Variants in MTDH observed in about 807,000 individuals in gnomAD.
MTDH encodes the protein metadherin, also known as protein LYRIC.
A neutral mutation model predicts 72.7 loss-of-function variants in MTDH; 34 were observed. The ratio of observed to expected loss-of-function variants is 0.47; its 90% CI spans 0.36 to 0.62. The LOEUF (loss-of-function observed/expected upper bound fraction) is 0.62, where lower values mean the gene tolerates loss of function less well. Ranked by LOEUF, MTDH falls within the 20% of genes least tolerant of loss-of-function variation. MTDH has a pLI of 0.00. For missense variants in MTDH, 677 were observed against 699.4 expected, an observed-to-expected ratio of 0.97 and a Z score of 0.36; for synonymous variants, 266 against 268.9, an observed-to-expected ratio of 0.99 and a Z score of 0.10.
chr8:97,718,915 C>T (rs1000160072), intron 9 of MTDH, 134 bp from the exon 10 acceptor site: 17 of 752,570 alleles, frequency 2.3e-5, no homozygotes, highest in Non-Finnish European at 3.6e-5. Context: ...AGGCTGGTCT[C>T]AAATTCCTGA....
chr8:97,655,555 A>G (rs1053379055), intron 1 of MTDH, among the ~76,000 whole-genome samples: 6 of 152,220 alleles, frequency 3.9e-5, no homozygotes, highest in Non-Finnish European at 5.9e-5. Context: ...GGCCCTTTTG[A>G]CCACCAGGAC....
chr8:97,721,270 C>T (rs183994447), intron 10 of MTDH, among the ~76,000 whole-genome samples: 13 of 152,060 alleles, frequency 8.5e-5, no homozygotes, highest in East Asian at 7.8e-4. Flanking sequence ...ATGAAACCCC[C>T]GTCTCTACCA....
intron 1 of MTDH, among the ~76,000 whole-genome samples, chr8:97,646,755 A>G (rs895214303): frequency 6.6e-6 from 1 of 152,228 alleles, no homozygotes; most frequent in Admixed American, 6.5e-5. Context: ...GGGAGTAAAT[A>G]AGTAAACCTA....
intron 2 of MTDH, among the ~76,000 whole-genome samples, chr8:97,665,537 CA>C (rs1173535202): frequency 6.6e-6 from 1 of 152,032 alleles, no homozygotes; most frequent in East Asian, 1.9e-4. Context: ...GCTGGATATT[CA>C]GAGGAGAAAG....
rs35262209 is a variant in MTDH, at chr8:97,681,491, C to CTTT, written c.484-5160_484-5158dup. ...AAACTCTTGAAGATAAGAATTTTTT[C>CTTT]TTTTTTTTTTTTTTTTTTTGAGATG... On this transcript the variant is annotated intron_variant, in intron 2 of 11. Coordinates refer to ENST00000336273, the MANE Select transcript of MTDH (RefSeq NM_178812.4). Among the ~76,000 whole-genome samples, 282 of 108,850 alleles carry CTTT rather than the reference C, an allele frequency of 2.6e-3. 5 individuals are homozygous for CTTT. The highest frequency in any genetic ancestry group is 9.2e-3 in the African/African-American group (260 of 28,248). 71.4% of individuals were successfully genotyped at this position (108,850 alleles called of 152,430 possible).
intron 5 of MTDH, among the ~76,000 whole-genome samples, chr8:97,689,323 T>C (rs886987518): frequency 1.5e-4 from 23 of 152,290 alleles, no homozygotes; most frequent in Admixed American, 1.4e-3. Context: ...CTAGTCTTTT[T>C]CCCCCATATA....
intron 9 of MTDH, among the ~76,000 whole-genome samples, chr8:97,717,844 G>C (rs1814937392): frequency 6.6e-6 from 1 of 151,342 alleles, no homozygotes; most frequent in Non-Finnish European, 1.5e-5. Context: ...TCATCTCCCA[G>C]GTTCAAGCAA....
At position 97,686,749 on chromosome 8, in the gene MTDH, G is replaced by A; in HGVS notation, c.565G>A (p.Glu189Lys). 2 of 1,594,320 alleles carry A rather than the reference G, an allele frequency of 1.3e-6. No individual in the cohort carries two copies. The highest frequency in any genetic ancestry group is 1.7e-6 in the Non-Finnish European group (2 of 1,170,644). ...ACGCCATGATGGAAAGGAAGTTGAT[G>A]AAGGTACTTGAGCAAGGGAAAGGAC... ...SSRHDGKEVDEGAWETKISHR... is the reference protein window; with the variant it reads ...SSRHDGKEVDKGAWETKISHR... Residue 189 changes from glutamate (E) to lysine (K), a missense_variant, in exon 3 of 12, where the codon GAA becomes AAA. Transcript: ENST00000336273.
At chr8:97,712,474 A>G (rs1468373835) in intron 8 of MTDH, among the ~76,000 whole-genome samples, 1 of 152,148 alleles carries the variant, frequency 6.6e-6, no homozygotes, top group Non-Finnish European at 1.5e-5. Flanking sequence ...CAGTTTCTTT[A>G]ACCATTTACC....
intron 8 of MTDH, among the ~76,000 whole-genome samples, chr8:97,709,106 A>G (rs1814511164): frequency 6.7e-6 from 1 of 149,498 alleles, no homozygotes; most frequent in African/African-American, 2.4e-5. Flanking sequence ...GAGGCAAAGA[A>G]TTGCTTGAAC....
intron 4 of MTDH, 143 bp from the exon 5 acceptor site, chr8:97,688,895 C>CT: frequency 2.6e-6 from 1 of 379,778 alleles, no homozygotes. Flanking sequence ...GTAAAATTGA[C>CT]TTTTTTCCAG....
chr8:97,644,227 C>G lies in MTDH; in HGVS notation c.-280C>G, dbSNP rs1395136697. ...CGAGGGAGGACAGCGGGGCCTGGCG[C>G]TGGCGCCGAGACGCCGCTTAGCGGC... On this transcript the variant is annotated 5_prime_UTR_variant, in exon 1 of 12. Transcript: ENST00000336273. 2.1e-6 allele frequency: 1 copy of G among 474,118 alleles called. No individual in the cohort carries two copies. Among genetic ancestry groups the G allele is most frequent in the Non-Finnish European group, 3.7e-6 (1 of 271,768 alleles). 29.4% of individuals were successfully genotyped at this position (474,118 alleles called of 1,614,324 possible).
In MTDH at chr8:97,644,684, G is replaced by A; in HGVS notation, c.178G>A (p.Gly60Arg). 1 of 1,604,484 alleles carries A rather than the reference G, an allele frequency of 6.2e-7. No individual in the cohort carries two copies. Among genetic ancestry groups the A allele is most frequent in the Non-Finnish European group, 8.5e-7 (1 of 1,177,272 alleles). ...WVILVGTGAL[G>R]LLLLFLLGYG... ...GATCCTGGTGGGCACTGGCGCGCTC[G>A]GGCTGCTGCTGCTGTTTCTGCTGGG... The change falls in exon 1 of 12, where the codon GGG (glycine) becomes AGG (arginine). Residue 60 changes from glycine to arginine, a missense_variant. Around this residue, in one of 3 missense-constraint regions of MTDH, gnomAD observed 467 missense variants for 469.1 expected, o/e 1.00. Coordinates refer to ENST00000336273, the MANE Select transcript of MTDH (RefSeq NM_178812.4).
chr8:97,645,166 C>T (rs1355616757), intron 1 of MTDH, among the ~76,000 whole-genome samples: 1 of 152,144 alleles, frequency 6.6e-6, no homozygotes, highest in African/African-American at 2.4e-5. Flanking sequence ...GTCAAGCCAT[C>T]TTTGGGAACC....
At chr8:97,674,385 T>C (rs1352065120) in intron 2 of MTDH, among the ~76,000 whole-genome samples, 1 of 152,232 alleles carries the variant, frequency 6.6e-6, no homozygotes, top group African/African-American at 2.4e-5. Context: ...GTTTTCACAC[T>C]CTCATCCTGA....
At chr8:97,717,351 A>G (rs1181278742) in intron 9 of MTDH, among the ~76,000 whole-genome samples, 1 of 152,224 alleles carries the variant, frequency 6.6e-6, no homozygotes, top group Non-Finnish European at 1.5e-5. Flanking sequence ...TACTTTACAT[A>G]TAATTTACTA....
intron 2 of MTDH, among the ~76,000 whole-genome samples, chr8:97,669,329 A>G (rs138649364): frequency 0.032 from 4,788 of 151,642 alleles, 277 homozygotes; most frequent in African/African-American, 0.11. Flanking sequence ...TTTGTATTTA[A>G]TAGAGACGGG....
At chr8:97,678,862 A>G (rs1248089562) in intron 2 of MTDH, among the ~76,000 whole-genome samples, 1 of 152,126 alleles carries the variant, frequency 6.6e-6, no homozygotes, top group Non-Finnish European at 1.5e-5. Context: ...CTTCACGCTT[A>G]AGGAAAGCTT....
At chr8:97,650,041 C>T (rs1018545018) in intron 1 of MTDH, among the ~76,000 whole-genome samples, 1 of 151,824 alleles carries the variant, frequency 6.6e-6, no homozygotes, top group African/African-American at 2.4e-5. Flanking sequence ...CTGCAAACTC[C>T]ACCTCCCGGG....
Sources: gnomAD v4.1 joint callset for allele counts (sites outside exome capture counted in the v4.1 genomes callset) on GRCh38, gnomAD v4.1.1 for gene constraint, gnomAD v4.1.1 regional missense constraint, MANE v1.5 for transcripts, NCBI Gene and HGNC (gene_info 2026-07-23, HGNC 2026-07-21) for gene names.